Variants in ANKRD44 observed in about 807,000 individuals in gnomAD.
The protein encoded by ANKRD44 is ankyrin repeat domain 44.
ANKRD44 carries 35 observed loss-of-function variants against 116.0 expected under a neutral mutation model. The observed-to-expected ratio is 0.30, with a 90% confidence interval of 0.23 to 0.40. ANKRD44 has a LOEUF of 0.40. ANKRD44 is among the 10% of genes least tolerant of loss of function. The probability of loss-of-function intolerance (pLI) is 1.00; values close to 1 mark genes in which losing one functional copy is unlikely to be tolerated. For synonymous variants in ANKRD44, 435 were observed against 461.8 expected (o/e 0.94, Z 0.74); for missense variants, 1,014 against 1,242.6 (o/e 0.82, Z 2.77).
At chr2:197,022,525 T>C (rs2076517206) in intron 17 of ANKRD44, among the ~76,000 whole-genome samples, 1 of 152,192 alleles carries the variant, frequency 6.6e-6, no homozygotes, top group South Asian at 2.1e-4. Context: ...ATGTGAGGCA[T>C]TGCCCCCAGC....
intron 1 of ANKRD44, among the ~76,000 whole-genome samples, chr2:197,254,367 G>A (rs1278851469): frequency 2.6e-5 from 4 of 151,958 alleles, no homozygotes; most frequent in Admixed American, 2.0e-4. Context: ...CTGAGCAATA[G>A]AGCAAGGCTC....
intron 2 of ANKRD44, among the ~76,000 whole-genome samples, chr2:197,158,408 T>C (rs1291782959): frequency 6.6e-6 from 1 of 152,186 alleles, no homozygotes; most frequent in Non-Finnish European, 1.5e-5. Flanking sequence ...GAAGTCTAGT[T>C]TCAGTTACGG....
At chr2:197,109,127 G>A (rs1215808449) in intron 9 of ANKRD44, among the ~76,000 whole-genome samples, 1 of 152,200 alleles carries the variant, frequency 6.6e-6, no homozygotes, top group Non-Finnish European at 1.5e-5. Context: ...TCTGGAGCTT[G>A]AAGTTGCTCT....
intron 8 of ANKRD44, 35 bp downstream of exon 8, chr2:197,121,297 A>C: frequency 6.3e-7 from 1 of 1,591,358 alleles, no homozygotes; most frequent in Non-Finnish European, 8.6e-7. Flanking sequence ...AGCTCAATGC[A>C]AAGGCATTCA....
chr2:197,042,867 A>T (rs2076936922), intron 16 of ANKRD44, among the ~76,000 whole-genome samples: 1 of 152,242 alleles, frequency 6.6e-6, no homozygotes. Context: ...TTCGGTAAAC[A>T]GTGTCCATCA....
downstream of ANKRD44, among the ~76,000 whole-genome samples, chr2:196,981,774 C>T (rs1421809360): frequency 6.6e-6 from 1 of 151,960 alleles, no homozygotes; most frequent in Admixed American, 6.6e-5. Flanking sequence ...AGTGAAACTC[C>T]ATCTCAAAAT....
At chr2:197,104,293 G>T (rs957190927) in intron 9 of ANKRD44, among the ~76,000 whole-genome samples, 6 of 152,010 alleles carry the variant, frequency 3.9e-5, no homozygotes, top group African/African-American at 1.4e-4. Context: ...GCTAATTTTT[G>T]TATTTTTAGT....
chr2:197,279,013 T>C (rs2083187104), intron 1 of ANKRD44, among the ~76,000 whole-genome samples: 1 of 152,214 alleles, frequency 6.6e-6, no homozygotes, highest in East Asian at 1.9e-4. Flanking sequence ...CTCTCATGTG[T>C]TGTGAGAAGG....
chr2:197,151,081 CT>C (rs548163806), intron 2 of ANKRD44, among the ~76,000 whole-genome samples: 218 of 132,484 alleles, frequency 1.6e-3, no homozygotes, highest in African/African-American at 1.7e-3. Context: ...TGGGAATTTA[CT>C]TTTTTTTTTT....
intron 1 of ANKRD44, among the ~76,000 whole-genome samples, chr2:197,204,275 A>G (rs2081156378): frequency 6.6e-6 from 1 of 152,194 alleles, no homozygotes; most frequent in Non-Finnish European, 1.5e-5. Context: ...AAGGACTAGA[A>G]GAAAATTTAT....
chr2:197,023,250 A>G (rs2076530949), intron 17 of ANKRD44, among the ~76,000 whole-genome samples: 1 of 152,240 alleles, frequency 6.6e-6, no homozygotes, highest in African/African-American at 2.4e-5. Context: ...GGGTAGGGAC[A>G]CTGAGACATA....
At chr2:197,107,302 T>G (rs1055493059) in intron 9 of ANKRD44, among the ~76,000 whole-genome samples, 1 of 152,218 alleles carries the variant, frequency 6.6e-6, no homozygotes, top group Admixed American at 6.5e-5. Flanking sequence ...AAAGCTTCTG[T>G]GAAGAAAACA....
At chr2:197,292,009 C>T (rs1346156879) in intron 1 of ANKRD44, among the ~76,000 whole-genome samples, 1 of 152,104 alleles carries the variant, frequency 6.6e-6, no homozygotes, top group Admixed American at 6.5e-5. Context: ...GAACTCATCC[C>T]TTTTTTATGG....
At chr2:197,010,590 G>C (rs1468746671) in intron 18 of ANKRD44, among the ~76,000 whole-genome samples, 1 of 152,044 alleles carries the variant, frequency 6.6e-6, no homozygotes, top group African/African-American at 2.4e-5. Context: ...GCAAACCTGT[G>C]ATGATAACCT....
At chr2:197,081,336 T>C (rs1346443594) in intron 15 of ANKRD44, among the ~76,000 whole-genome samples, 1 of 152,210 alleles carries the variant, frequency 6.6e-6, no homozygotes, top group East Asian at 1.9e-4. Context: ...GAGTCTTTGT[T>C]TGTCTTCCTT....
rs546369770 is a variant in ANKRD44 at position 197,252,395 on chromosome 2, T to C, written c.27+58183A>G. The stretch of plus-strand genomic sequence containing the variant: ...TCCTTAGGGTTGCATCCTGAATATA[T>C]ATATATGTAATTTTTTTTTTCTTTT... On this transcript the variant is annotated intron_variant, in intron 1 of 27. Coordinates refer to ENST00000282272, the MANE Select transcript of ANKRD44 (RefSeq NM_001195144.2). Among the ~76,000 whole-genome samples the C allele has an allele frequency of 2.4e-3, 355 of 145,828 alleles. 1 individual carries two copies. The highest frequency in any genetic ancestry group is 8.6e-3 in the African/African-American group (341 of 39,486).
intron 2 of ANKRD44, among the ~76,000 whole-genome samples, chr2:197,170,573 T>A (rs1039806159): frequency 2.6e-5 from 4 of 152,246 alleles, no homozygotes; most frequent in Non-Finnish European, 5.9e-5. Flanking sequence ...TTAAGCTTTG[T>A]GCATCTTTAT....
At chr2:197,132,712 T>C (rs993115911) in intron 4 of ANKRD44, among the ~76,000 whole-genome samples, 1 of 152,282 alleles carries the variant, frequency 6.6e-6, no homozygotes, top group East Asian at 1.9e-4. Flanking sequence ...CATTCTGATA[T>C]GGTGTATACC....
intron 8 of ANKRD44, among the ~76,000 whole-genome samples, chr2:197,118,942 C>T (rs992705090): frequency 2.0e-5 from 3 of 152,222 alleles, no homozygotes; most frequent in Admixed American, 6.5e-5. Context: ...ACCAGTAATA[C>T]TAGTTTTTCA....
Sources: gnomAD v4.1 joint callset for allele counts (sites outside exome capture counted in the v4.1 genomes callset) on GRCh38, gnomAD v4.1.1 for gene constraint, MANE v1.5 for transcripts, NCBI Gene and HGNC (gene_info 2026-07-23, HGNC 2026-07-21) for gene names.